STK10: variants seen among roughly 807,000 people sequenced by gnomAD.
STK10 encodes the protein serine/threonine-protein kinase 10.
STK10 carries 78 observed loss-of-function variants against 113.8 expected under a neutral mutation model. The observed-to-expected ratio is 0.69, with a 90% CI of 0.57 to 0.83. The LOEUF (loss-of-function observed/expected upper bound fraction) is 0.83, where lower values mean the gene tolerates loss of function less well. Ranked by LOEUF, STK10 falls within the 40% of genes least tolerant of loss-of-function variation. STK10 has a pLI of 0.00. For synonymous variants in STK10, 465 were observed against 494.7 expected (o/e 0.94, Z 0.80); for missense variants, 1,109 against 1,280.1 (o/e 0.87, Z 2.04).
chr5:172,100,305 C>G (rs1039570330), intron 7 of STK10, among the ~76,000 whole-genome samples: 1 of 152,174 alleles, frequency 6.6e-6, no homozygotes, highest in Non-Finnish European at 1.5e-5. Context: ...TCCTTCCCCC[C>G]AGTAAGAGGC....
intron 1 of STK10, among the ~76,000 whole-genome samples, chr5:172,160,555 G>A (rs930991344): frequency 7.2e-5 from 11 of 151,906 alleles, no homozygotes; most frequent in Admixed American, 2.0e-4. Context: ...CAGGGAAAAC[G>A]AGCTCCTCTG....
At chr5:172,050,578 G>T (rs1767606333) in intron 18 of STK10, among the ~76,000 whole-genome samples, 1 of 152,118 alleles carries the variant, frequency 6.6e-6, no homozygotes, top group African/African-American at 2.4e-5. Flanking sequence ...TCTTGAAAAT[G>T]AACAAACTGA....
intron 10 of STK10, among the ~76,000 whole-genome samples, chr5:172,089,588 G>A (rs1768649719): frequency 1.3e-5 from 2 of 152,132 alleles, no homozygotes; most frequent in East Asian, 1.9e-4. Context: ...TGGATAGAAG[G>A]ATAAAATGGA....
chr5:172,098,128 T>C (rs545530017), intron 7 of STK10, among the ~76,000 whole-genome samples: 15 of 152,300 alleles, frequency 9.8e-5, no homozygotes, highest in African/African-American at 2.9e-4. Context: ...TCAACAAGAT[T>C]GCTGGGGAAG....
chr5:172,111,364 A>G (rs1480689057), intron 4 of STK10, among the ~76,000 whole-genome samples: 1 of 152,148 alleles, frequency 6.6e-6, no homozygotes, highest in African/African-American at 2.4e-5. Context: ...TCCTGAGAAG[A>G]GAGACGAGAA....
chr5:172,149,427 C>T (rs1770158144), intron 2 of STK10, among the ~76,000 whole-genome samples: 1 of 152,152 alleles, frequency 6.6e-6, no homozygotes, highest in African/African-American at 2.4e-5. Context: ...CATGTCGATA[C>T]AGTAATAATA....
At chr5:172,183,505 A>G (rs1275830093) in intron 1 of STK10, among the ~76,000 whole-genome samples, 2 of 146,078 alleles carry the variant, frequency 1.4e-5, no homozygotes, top group Non-Finnish European at 3.0e-5. Flanking sequence ...TCCAGGCTGG[A>G]GTGCACAATC....
chr5:172,153,756 T>C (rs1285886791), intron 2 of STK10, among the ~76,000 whole-genome samples: 1 of 152,248 alleles, frequency 6.6e-6, no homozygotes, highest in African/African-American at 2.4e-5. Context: ...GAAGGAAATA[T>C]CAAAGGGTTG....
chr5:172,121,432 C>T (rs1476110819), intron 3 of STK10, among the ~76,000 whole-genome samples: 1 of 152,136 alleles, frequency 6.6e-6, no homozygotes, highest in Non-Finnish European at 1.5e-5. Context: ...CTCGATCTCC[C>T]AGGCTCATGC....
chr5:172,045,029 AAG>A lies in STK10; in HGVS notation c.2767-9_2767-8del, dbSNP rs1767468727. The A allele has an allele frequency of 6.2e-7, 1 of 1,613,886 alleles. No individual in the cohort carries two copies. Among genetic ancestry groups the A allele is most frequent in the Non-Finnish European group, 8.5e-7 (1 of 1,179,960 alleles). The stretch of plus-strand genomic sequence containing the variant: ...TCAGATCCTCTTCCAGAGCCTAGGG[AAG>A]AGAGAGGATGGATGGCACTTGGTGA... On this transcript the variant is annotated splice_polypyrimidine_tract_variant and splice_region_variant and intron_variant, in intron 18 of 18. Transcript: ENST00000176763.
chr5:172,107,670 A>C, intron 5 of STK10, 110 bp downstream of exon 5: 1 of 607,464 alleles, frequency 1.6e-6, no homozygotes. Flanking sequence ...GCCACGAGGC[A>C]GGGCGTGTAG....
chr5:172,088,996 T>C (rs1768629856), intron 10 of STK10, among the ~76,000 whole-genome samples: 1 of 152,042 alleles, frequency 6.6e-6, no homozygotes, highest in Non-Finnish European at 1.5e-5. Flanking sequence ...AAAATGTAGG[T>C]CAAATCTGAC....
chr5:172,116,085 GT>G (rs892571880), intron 4 of STK10, among the ~76,000 whole-genome samples: 7 of 152,076 alleles, frequency 4.6e-5, no homozygotes, highest in Non-Finnish European at 1.0e-4. Flanking sequence ...TTTTGTTTTT[GT>G]TTTTGTTTTC....
intron 13 of STK10, 135 bp from the exon 14 acceptor site, chr5:172,061,403 A>G: frequency 7.8e-7 from 1 of 1,285,788 alleles, no homozygotes. Context: ...GTGGAGGAGA[A>G]ATTTAAGGGA....
Position 172,087,652 on chromosome 5 carries a change from C to T in STK10, c.1685+2580G>A, listed in dbSNP as rs374796924. ...TTTTTTTTTTTTTGAGACGGAGTCT[C>T]GCTCTGTCGCCCAGGCCGGACTGCG... On this transcript the variant is annotated intron_variant, in intron 10 of 18. Coordinates refer to ENST00000176763, the MANE Select transcript of STK10 (RefSeq NM_005990.4). Among the ~76,000 whole-genome samples the T allele has an allele frequency of 4.6e-3, 442 of 96,646 alleles. 35 individuals are homozygous for T. Among genetic ancestry groups the T allele is most frequent in the African/African-American group, 0.016 (304 of 19,508 alleles). The allele number at this position is 96,646 out of a possible 152,430, so 63.4% of individuals were successfully genotyped here.
intron 7 of STK10, among the ~76,000 whole-genome samples, chr5:172,102,640 G>A (rs1284598351): frequency 6.6e-6 from 1 of 152,168 alleles, no homozygotes; most frequent in Non-Finnish European, 1.5e-5. Flanking sequence ...AGGAGGAGGA[G>A]ATCGACTGGG....
intron 2 of STK10, among the ~76,000 whole-genome samples, chr5:172,149,612 A>C (rs977874877): frequency 6.6e-6 from 1 of 151,920 alleles, no homozygotes; most frequent in Non-Finnish European, 1.5e-5. Flanking sequence ...CCCGAGGAAG[A>C]CCAGGTCCCC....
intron 3 of STK10, among the ~76,000 whole-genome samples, chr5:172,121,892 C>T (rs1028572587): frequency 1.6e-4 from 23 of 145,140 alleles, no homozygotes; most frequent in African/African-American, 3.9e-4. Flanking sequence ...TTTTTTTAGA[C>T]GACGTCTCTG....
intron 2 of STK10, among the ~76,000 whole-genome samples, chr5:172,139,513 AAGAG>A (rs1440751706): frequency 6.6e-6 from 1 of 151,394 alleles, no homozygotes; most frequent in Non-Finnish European, 1.5e-5. Context: ...AAAAAAAGAA[AAGAG>A]AGAGGGAGTC....
Sources: gnomAD v4.1 joint callset for allele counts (sites outside exome capture counted in the v4.1 genomes callset) on GRCh38, gnomAD v4.1.1 for gene constraint, MANE v1.5 for transcripts, NCBI Gene and HGNC (gene_info 2026-07-23, HGNC 2026-07-21) for gene names.